Variants in MELK observed in about 807,000 individuals in gnomAD.
MELK encodes pEg3 kinase.
In MELK, 81 loss-of-function variants were observed where a neutral mutation model predicts 85.0. The observed-to-expected ratio is 0.95, with a 90% CI of 0.80 to 1.15. MELK has a LOEUF of 1.15. Among genes scored for constraint, MELK ranks in the 50% most tolerant of loss-of-function variants. The probability of loss-of-function intolerance (pLI) is 0.00; values close to 1 mark genes in which losing one functional copy is unlikely to be tolerated. For missense variants in MELK, 754 were observed against 777.5 expected (o/e 0.97, Z 0.36); for synonymous variants, 252 against 265.0 (o/e 0.95, Z 0.48).
At chr9:36,659,863 G>A (rs1416375415) in intron 13 of MELK, among the ~76,000 whole-genome samples, 4 of 152,162 alleles carry the variant, frequency 2.6e-5, no homozygotes, top group East Asian at 1.9e-4. Context: ...GCAATGGCAC[G>A]ATCTCAGTTC....
At chr9:36,666,927 GTGCGGTGGCGC>G (rs1362146807) in intron 14 of MELK, among the ~76,000 whole-genome samples, 1 of 150,898 alleles carries the variant, frequency 6.6e-6, no homozygotes, top group African/African-American at 2.4e-5. Context: ...GTGTGGGGGG[GTGCGGTGGCGC>G]TGCCTGTGGT....
chr9:36,669,642 C>A (rs1832715765), intron 15 of MELK, among the ~76,000 whole-genome samples: 1 of 152,168 alleles, frequency 6.6e-6, no homozygotes, highest in Non-Finnish European at 1.5e-5. Flanking sequence ...GTACAACAGG[C>A]TGGGAAGACA....
chr9:36,654,866 A>G (rs1274791449), intron 12 of MELK, among the ~76,000 whole-genome samples: 1 of 152,230 alleles, frequency 6.6e-6, no homozygotes, highest in Non-Finnish European at 1.5e-5. Flanking sequence ...TGAAATAGAA[A>G]TCAAATTTTG....
At chr9:36,653,146 T>A (rs1443260294) in intron 12 of MELK, among the ~76,000 whole-genome samples, 1 of 152,162 alleles carries the variant, frequency 6.6e-6, no homozygotes, top group Admixed American at 6.5e-5. Context: ...CTTTAAAAAA[T>A]TTTTTTGTTT....
chr9:36,581,730 A>C lies in MELK; in HGVS notation c.49A>C (p.Ile17Leu), dbSNP rs1822255672. ...LLKYYELHETIGTGGFAKVKL... is the reference protein window; with the variant it reads ...LLKYYELHETLGTGGFAKVKL... ...CAAATATTATGAATTACATGAAACTATTGGGACAGGTAATTGTTATTTTTT... is the reference window on the plus strand; with the variant it reads ...CAAATATTATGAATTACATGAAACTCTTGGGACAGGTAATTGTTATTTTTT... Residue 17 changes from isoleucine (I) to leucine (L), a missense_variant, in exon 2 of 18, where the codon ATT becomes CTT. Coordinates refer to ENST00000298048, the MANE Select transcript of MELK (RefSeq NM_014791.4). 1.9e-6 allele frequency: 3 copies of C among 1,592,448 alleles called. No homozygotes were observed. The highest frequency in any genetic ancestry group is 3.4e-5 in the Admixed American group (2 of 59,580).
At chr9:36,596,124 T>C (rs760809898) in intron 5 of MELK, among the ~76,000 whole-genome samples, 19 of 152,108 alleles carry the variant, frequency 1.2e-4, no homozygotes, top group Admixed American at 1.2e-3. Flanking sequence ...CCGGAAACTA[T>C]CTTTTTCCAT....
At chr9:36,587,550 C>T (rs1324386627) in intron 3 of MELK, among the ~76,000 whole-genome samples, 4 of 151,510 alleles carry the variant, frequency 2.6e-5, no homozygotes, top group Admixed American at 6.6e-5. Flanking sequence ...CTCCTGACCT[C>T]GTGATCCGCC....
intron 13 of MELK, among the ~76,000 whole-genome samples, chr9:36,659,771 C>G (rs1027954627): frequency 1.3e-5 from 2 of 152,142 alleles, no homozygotes; most frequent in Admixed American, 1.3e-4. Context: ...GAGGTGAGAT[C>G]TTAGATCCTT....
At position 36,591,439 on chromosome 9, in the gene MELK, T is replaced by C. The variant is rs1011619057; in HGVS notation, c.261+1787T>C. Reference sequence around the variant, plus strand: ...AATACAAAAACTTAGCCAGTTGTGGTGGTGCATGCCTATAGTCCCAGCTAC... The same window carrying C: ...AATACAAAAACTTAGCCAGTTGTGGCGGTGCATGCCTATAGTCCCAGCTAC... On this transcript the variant is annotated intron_variant, in intron 4 of 17. Transcript: ENST00000298048. Among the ~76,000 whole-genome samples the C allele has an allele frequency of 3.9e-5, 6 of 152,068 alleles. No homozygotes were observed. In the South Asian group the frequency reaches 1.2e-3, roughly 32 times the overall value.
At chr9:36,618,913 C>A (rs1232328044) in intron 8 of MELK, among the ~76,000 whole-genome samples, 1 of 151,228 alleles carries the variant, frequency 6.6e-6, no homozygotes, top group Non-Finnish European at 1.5e-5. Flanking sequence ...TAATATAAAT[C>A]TTTGAAGACC....
chr9:36,599,559 CTG>C (rs1240347866), intron 7 of MELK, 73 bp downstream of exon 7: 2 of 1,089,744 alleles, frequency 1.8e-6, no homozygotes, highest in Admixed American at 1.8e-5. Flanking sequence ...GAGTCAGGCA[CTG>C]TGCGTTGGGG....
intron 8 of MELK, among the ~76,000 whole-genome samples, chr9:36,617,318 A>G (rs1441198022): frequency 6.6e-6 from 1 of 150,848 alleles, no homozygotes; most frequent in Non-Finnish European, 1.5e-5. Flanking sequence ...AAATTCATCA[A>G]TCTTTTTCTT....
intron 1 of MELK, among the ~76,000 whole-genome samples, chr9:36,576,588 G>A (rs1821670950): frequency 6.6e-6 from 1 of 152,112 alleles, no homozygotes; most frequent in Non-Finnish European, 1.5e-5. Context: ...CCAGAGTGCA[G>A]TGGCGTGATC....
At chr9:36,603,322 T>G (rs2053943400) in intron 7 of MELK, among the ~76,000 whole-genome samples, 1 of 152,180 alleles carries the variant, frequency 6.6e-6, no homozygotes, top group African/African-American at 2.4e-5. Context: ...TTGATTCTGA[T>G]GTTCACAGTC....
intron 5 of MELK, among the ~76,000 whole-genome samples, chr9:36,596,178 T>C (rs1824212754): frequency 6.6e-6 from 1 of 152,184 alleles, no homozygotes; most frequent in African/African-American, 2.4e-5. Context: ...TCTTTTGGTT[T>C]AAATTTGCTT....
At position 36,665,372 on chromosome 9, in the gene MELK, C is replaced by T. The variant is rs867907627; in HGVS notation, c.1199C>T (p.Ser400Leu). ...CAGTTTACCAAGTACTGGACAGAAT[C>T]AAATGGGGTGGAATCTAAATCATTA... ...TSQFTKYWTE[S>L]NGVESKSLTP... Residue 400 changes from serine (S) to leucine (L), a missense_variant, in exon 14 of 18, where the codon TCA (serine) becomes TTA (leucine). Physicochemically the swap from Ser to Leu is moderately radical, Grantham distance 145. Coordinates refer to ENST00000298048, the MANE Select transcript of MELK (RefSeq NM_014791.4). 6.2e-7 allele frequency: 1 copy of T among 1,612,692 alleles called. No homozygotes were observed.
chr9:36,640,959 A>C (rs1829701711), intron 10 of MELK, among the ~76,000 whole-genome samples: 1 of 152,226 alleles, frequency 6.6e-6, no homozygotes, highest in Non-Finnish European at 1.5e-5. Context: ...GTGATGTTCA[A>C]AACAAGGGAA....
At chr9:36,665,030 G>A (rs1456232451) in intron 13 of MELK, among the ~76,000 whole-genome samples, 1 of 152,044 alleles carries the variant, frequency 6.6e-6, no homozygotes, top group African/African-American at 2.4e-5. Context: ...CATGTCAGAG[G>A]CAAGCCGTGA....
At chr9:36,676,753 C>T (rs1387153300) in intron 17 of MELK, among the ~76,000 whole-genome samples, 6 of 152,174 alleles carry the variant, frequency 3.9e-5, no homozygotes, top group African/African-American at 9.7e-5. Flanking sequence ...TGACAAGGCT[C>T]ACACACATGA....
Sources: gnomAD v4.1 joint callset for allele counts (sites outside exome capture counted in the v4.1 genomes callset) on GRCh38, gnomAD v4.1.1 for gene constraint, MANE v1.5 for transcripts, NCBI Gene and HGNC (gene_info 2026-07-23, HGNC 2026-07-21) for gene names.